The following OPCML variants were observed in gnomAD, a reference collection of about 807,000 sequenced individuals.
OPCML encodes opioid-binding protein/cell adhesion molecule.
A neutral mutation model predicts 37.8 loss-of-function variants in OPCML; 13 were observed. The ratio of observed to expected loss-of-function variants is 0.34; its 90% CI spans 0.22 to 0.55. OPCML has a LOEUF of 0.55. Among genes scored for constraint, OPCML ranks in the 20% least tolerant of loss-of-function variants. The pLI is 0.91. For synonymous variants in OPCML, 176 were observed against 168.8 expected, an observed-to-expected ratio of 1.04 and a Z score of -0.33; for missense variants, 341 against 435.6, an observed-to-expected ratio of 0.78 and a Z score of 1.93.
intron 2 of OPCML, among the ~76,000 whole-genome samples, chr11:132,683,707 G>A (rs984975195): frequency 2.0e-5 from 3 of 152,096 alleles, no homozygotes; most frequent in Non-Finnish European, 4.4e-5. Flanking sequence ...TCCATCTTTA[G>A]AAAGCAGAAT....
chr11:132,633,698 C>T (rs1940298183), intron 3 of OPCML, among the ~76,000 whole-genome samples: 1 of 152,098 alleles, frequency 6.6e-6, no homozygotes, highest in Non-Finnish European at 1.5e-5. Context: ...GCCATCTCTT[C>T]TCCCTGGTGG....
chr11:133,336,537 T>C (rs1235497215), intron 1 of OPCML, among the ~76,000 whole-genome samples: 1 of 152,204 alleles, frequency 6.6e-6, no homozygotes, highest in Non-Finnish European at 1.5e-5. Context: ...ATAGAATCCC[T>C]TTTATAGGAT....
chr11:133,221,137 T>C (rs1320763366), intron 1 of OPCML, among the ~76,000 whole-genome samples: 2 of 152,200 alleles, frequency 1.3e-5, no homozygotes, highest in Non-Finnish European at 2.9e-5. Context: ...ATTAGCACTT[T>C]TGAGTCTTTG....
At chr11:132,443,159 C>A (rs183944351) in intron 4 of OPCML, among the ~76,000 whole-genome samples, 9 of 152,298 alleles carry the variant, frequency 5.9e-5, no homozygotes, top group Admixed American at 2.0e-4. Flanking sequence ...ATGTACCAGA[C>A]CAGCCAGGAG....
In OPCML at chr11:132,447,094, C is replaced by A. The variant is rs73585008; in HGVS notation, c.506-9735G>T. ...ATACAAAACCTTCAATTAGTTACAA[C>A]ATCAAAGTAAGTCCTTTGCCCTTTG... On this transcript the variant is annotated intron_variant, in intron 4 of 7. Coordinates refer to ENST00000524381, the MANE Select transcript of OPCML (RefSeq NM_001012393.5). Among the ~76,000 whole-genome samples, 1,087 of 152,308 alleles carry A rather than the reference C, an allele frequency of 7.1e-3. 10 individuals carry two copies. Among genetic ancestry groups the A allele is most frequent in the African/African-American group, 0.025 (1,052 of 41,576 alleles).
intron 1 of OPCML, among the ~76,000 whole-genome samples, chr11:133,049,014 C>T (rs1368629303): frequency 6.6e-6 from 1 of 152,152 alleles, no homozygotes; most frequent in Non-Finnish European, 1.5e-5. Context: ...ACTATTTATA[C>T]AAAAATATTT....
At chr11:133,531,882 G>A (rs1365868483) in intron 1 of OPCML, among the ~76,000 whole-genome samples, 1 of 152,070 alleles carries the variant, frequency 6.6e-6, no homozygotes, top group Non-Finnish European at 1.5e-5. Context: ...CACCCTGCAG[G>A]TCCCAACATA....
chr11:132,612,333 G>T (rs2137853156), intron 3 of OPCML, among the ~76,000 whole-genome samples: 1 of 152,252 alleles, frequency 6.6e-6, no homozygotes, highest in South Asian at 2.1e-4. Context: ...GCATAAGTTT[G>T]TAATATAAAT....
intron 3 of OPCML, among the ~76,000 whole-genome samples, chr11:132,654,922 G>A (rs2135763784): frequency 6.6e-6 from 1 of 152,098 alleles, no homozygotes; most frequent in African/African-American, 2.4e-5. Context: ...CTGGAATGCG[G>A]AGACTGAGGA....
chr11:132,553,698 G>A (rs1255378872), intron 3 of OPCML, among the ~76,000 whole-genome samples: 3 of 152,142 alleles, frequency 2.0e-5, no homozygotes. Flanking sequence ...TGTTTAGAAA[G>A]GAAGATTCAG....
intron 1 of OPCML, among the ~76,000 whole-genome samples, chr11:133,092,555 G>A (rs1263241108): frequency 6.6e-6 from 1 of 151,814 alleles, no homozygotes; most frequent in Non-Finnish European, 1.5e-5. Flanking sequence ...TGAAACCCCT[G>A]TCTCTACTAA....
intron 7 of OPCML, among the ~76,000 whole-genome samples, chr11:132,429,382 G>A (rs1452789853): frequency 6.6e-6 from 1 of 152,220 alleles, no homozygotes; most frequent in Non-Finnish European, 1.5e-5. Flanking sequence ...GTCCATGTGA[G>A]ACGTGTGCCA....
At chr11:133,209,477 G>T (rs1175071859) in intron 1 of OPCML, among the ~76,000 whole-genome samples, 1 of 152,164 alleles carries the variant, frequency 6.6e-6, no homozygotes, top group Non-Finnish European at 1.5e-5. Context: ...AACCCATGGG[G>T]CAAATACTAC....
At chr11:133,070,824 C>G (rs1948521046) in intron 1 of OPCML, among the ~76,000 whole-genome samples, 1 of 152,100 alleles carries the variant, frequency 6.6e-6, no homozygotes. Context: ...GGGGGTCAAG[C>G]GATGTTGGTT....
At chr11:133,217,254 T>C (rs1028489976) in intron 1 of OPCML, among the ~76,000 whole-genome samples, 1 of 152,176 alleles carries the variant, frequency 6.6e-6, no homozygotes, top group African/African-American at 2.4e-5. Context: ...GATGCTCCAG[T>C]GCCCCCCAAA....
intron 1 of OPCML, among the ~76,000 whole-genome samples, chr11:133,521,161 A>T (rs1948389693): frequency 1.3e-5 from 2 of 152,222 alleles, no homozygotes; most frequent in Admixed American, 1.3e-4. Flanking sequence ...GGGTGTGTCC[A>T]TCGGGCTCCT....
intron 4 of OPCML, among the ~76,000 whole-genome samples, chr11:132,521,925 A>G (rs943746982): frequency 6.6e-6 from 1 of 152,196 alleles, no homozygotes; most frequent in Non-Finnish European, 1.5e-5. Flanking sequence ...TATAGGTACC[A>G]TAACAATCAA....
At chr11:133,421,909 G>T in intron 1 of OPCML, 1 of 449,952 alleles carries the variant, frequency 2.2e-6, no homozygotes, top group Non-Finnish European at 2.9e-6. Flanking sequence ...GTCAGTTTAA[G>T]CCTCCAATCT....
intron 1 of OPCML, among the ~76,000 whole-genome samples, chr11:132,959,457 G>A (rs1946042441): frequency 6.6e-6 from 1 of 152,226 alleles, no homozygotes; most frequent in Non-Finnish European, 1.5e-5. Flanking sequence ...GATTTGAGAG[G>A]ACTGTCTCCA....
Sources: allele counts gnomAD v4.1 joint callset (sites outside exome capture counted in the v4.1 genomes callset), GRCh38; gene constraint gnomAD v4.1.1; transcripts MANE v1.5; gene names NCBI Gene and HGNC (gene_info 2026-07-23, HGNC 2026-07-21).